The following GYS1 variants were observed in gnomAD, a reference collection of about 807,000 sequenced individuals.
GYS1 encodes the protein glycogen [starch] synthase, muscle.
Under a neutral mutation model 89.1 loss-of-function variants are expected in GYS1, and 60 were observed. The ratio of observed to expected loss-of-function variants is 0.67; its 90% confidence interval spans 0.55 to 0.84. The LOEUF is 0.84. GYS1 is among the 40% of genes least tolerant of loss of function. GYS1 has a pLI of 0.00. For missense variants in GYS1, 888 were observed against 1,003.1 expected (o/e 0.89, Z 1.55); for synonymous variants, 366 against 401.7 (o/e 0.91, Z 1.06).
In GYS1 at chr19:48,993,102, T is replaced by C; in HGVS notation, c.11A>G (p.Asn4Ser). The C allele has an allele frequency of 6.3e-7, 1 of 1,597,928 alleles. No homozygotes were observed. The highest frequency in any genetic ancestry group is 8.6e-7 in the Non-Finnish European group (1 of 1,165,604). The change falls in exon 1 of 16, where the codon AAC becomes AGC. Residue 4 changes from asparagine to serine, a missense_variant. Coordinates refer to ENST00000323798, the MANE Select transcript of GYS1 (RefSeq NM_002103.5). MPL[N>S]RTLSMSSLPG... ...CAGTGAGGACATGGACAAAGTGCGGTTTAAAGGCATGGCTGGCGCAGGAAG... is the reference window on the plus strand; with the variant it reads ...CAGTGAGGACATGGACAAAGTGCGGCTTAAAGGCATGGCTGGCGCAGGAAG...
chr19:48,977,616 A>C (rs908541837), intron 10 of GYS1, among the ~76,000 whole-genome samples: 2 of 152,138 alleles, frequency 1.3e-5, no homozygotes, highest in South Asian at 2.1e-4. Context: ...AAATATAATA[A>C]AAATAAATAA....
At position 48,981,542 on chromosome 19, in the gene GYS1, C is replaced by T. The variant is rs566356663; in HGVS notation, c.1157G>A (p.Arg386His). 11 of 1,606,186 alleles carry T rather than the reference C, an allele frequency of 6.8e-6. No individual in the cohort carries two copies. The highest frequency in any genetic ancestry group is 3.3e-5 in the Admixed American group (2 of 60,010). The change falls in exon 8 of 16, where the codon CGC becomes CAC. Residue 386 changes from arginine to histidine, a missense_variant. Coordinates refer to ENST00000323798, the MANE Select transcript of GYS1 (RefSeq NM_002103.5). ...GAGGGCTGCTAACCAAAGCTGTTTG[C>T]GCACAGCTTGGCCTTTGAGGGTTTC... ...NVETLKGQAVRKQLWDTANTV... is the reference protein window; with the variant it reads ...NVETLKGQAVHKQLWDTANTV...
intron 7 of GYS1, among the ~76,000 whole-genome samples, chr19:48,981,989 C>T (rs2038771092): frequency 6.6e-6 from 1 of 152,074 alleles, no homozygotes; most frequent in African/African-American, 2.4e-5. Flanking sequence ...ACCTCCCGGG[C>T]TCGCGTGATC....
chr19:48,974,885 T>C (rs917220160), intron 10 of GYS1, 152 bp from the exon 11 acceptor site: 25 of 625,532 alleles, frequency 4.0e-5, no homozygotes, highest in Middle Eastern at 3.9e-4. Flanking sequence ...GAGTTGTGGA[T>C]TCCCACTAGT....
At chr19:48,986,777 A>T (rs1042617011) in intron 3 of GYS1, among the ~76,000 whole-genome samples, 1 of 152,234 alleles carries the variant, frequency 6.6e-6, no homozygotes, top group African/African-American at 2.4e-5. Context: ...GATTACAGGC[A>T]TGAGCCACCG....
Position 48,969,266 on chromosome 19 carries a change from C to G in GYS1, c.*22G>C, listed in dbSNP as rs369405685. 5.2e-6 allele frequency: 8 copies of G among 1,525,680 alleles called. No homozygotes were observed. Among genetic ancestry groups the G allele is most frequent in the Non-Finnish European group, 6.1e-6 (7 of 1,140,602 alleles). 94.5% of individuals were successfully genotyped at this position (1,525,680 alleles called of 1,614,324 possible). ...CTCTGGAGCAGAGAGGCAGGACAGG[C>G]GGGGAGTGTGGTGGGGCGGACTTAG... On this transcript the variant is annotated 3_prime_UTR_variant, in exon 16 of 16. Coordinates refer to ENST00000323798, the MANE Select transcript of GYS1 (RefSeq NM_002103.5).
In GYS1 at chr19:48,993,220, A is replaced by G. The variant is rs1247603354; in HGVS notation, c.-108T>C. 2 of 770,220 alleles carry G rather than the reference A, an allele frequency of 2.6e-6. No homozygotes were observed. Among genetic ancestry groups the G allele is most frequent in the East Asian group, 4.9e-5 (2 of 40,900 alleles). The allele number at this position is 770,220 out of a possible 1,614,324, so 47.7% of individuals were successfully genotyped here. ...GGCCGAGTAGCTGGTGCCCGACGGG[A>G]AGCTTGCAAGACGCTCGGCTTCCTA... On this transcript the variant is annotated 5_prime_UTR_variant, in exon 1 of 16. Coordinates refer to ENST00000323798, the MANE Select transcript of GYS1 (RefSeq NM_002103.5).
intron 2 of GYS1, 81 bp from the exon 3 acceptor site, chr19:48,987,466 T>TGCAG: frequency 9.3e-7 from 1 of 1,071,034 alleles, no homozygotes; most frequent in Non-Finnish European, 1.3e-6. Context: ...TTCTCCCATT[T>TGCAG]GCAGGCAGAT....
At chr19:48,992,157 C>T (rs929449864) in intron 1 of GYS1, among the ~76,000 whole-genome samples, 1 of 152,112 alleles carries the variant, frequency 6.6e-6, no homozygotes, top group Non-Finnish European at 1.5e-5. Context: ...TGGGTGTTCA[C>T]GGGCCCCCTC....
At position 48,972,014 on chromosome 19, in the gene GYS1, A is replaced by G. The variant is rs547999891; in HGVS notation, c.1550-991T>C. Among the ~76,000 whole-genome samples the G allele has an allele frequency of 1.3e-4, 19 of 148,206 alleles. No homozygotes were observed. In the South Asian group the frequency reaches 4.1e-3, roughly 32 times the overall value. On this transcript the variant is annotated intron_variant, in intron 12 of 15. Transcript: ENST00000323798. Reference sequence around the variant, plus strand: ...GAGGCTGGGACTACGAGCACACAACACTACGCATGGCTAATTAAAAATAAA... The same window carrying G: ...GAGGCTGGGACTACGAGCACACAACGCTACGCATGGCTAATTAAAAATAAA...
At chr19:48,980,426 G>A (rs1412498574) in intron 8 of GYS1, among the ~76,000 whole-genome samples, 2 of 152,126 alleles carry the variant, frequency 1.3e-5, no homozygotes, top group Non-Finnish European at 2.9e-5. Flanking sequence ...ACATGAGGAG[G>A]GCAGGTCACT....
chr19:48,991,054 C>T lies in GYS1; in HGVS notation c.300+248G>A, dbSNP rs1254658185. Among the ~76,000 whole-genome samples the T allele has an allele frequency of 1.3e-5, 2 of 152,218 alleles. No homozygotes were observed. Among genetic ancestry groups the T allele is most frequent in the Non-Finnish European group, 2.9e-5 (2 of 68,036 alleles). On this transcript the variant is annotated intron_variant, in intron 2 of 15. Transcript: ENST00000323798. This position sits in a 1 kb window ranked among gnomAD's most constrained non-coding sequence, Gnocchi z 4.7. ...TTCTCTCTGGGTCTGAGGACCTTGG[C>T]CTCTTGGATCTCCGTCTCAGTCTGT...
intron 8 of GYS1, among the ~76,000 whole-genome samples, chr19:48,978,595 G>C: frequency 6.7e-6 from 1 of 149,546 alleles, no homozygotes; most frequent in East Asian, 2.0e-4. Context: ...GCAGTGGTGC[G>C]ATCTTGGCTC....
At chr19:48,984,094 G>A (rs542796745) in intron 5 of GYS1, among the ~76,000 whole-genome samples, 14 of 152,298 alleles carry the variant, frequency 9.2e-5, no homozygotes, top group Admixed American at 8.5e-4. Context: ...TGCCTCCTGG[G>A]TTCAAGAGAT....
At chr19:48,970,483 C>T (rs1401299981) in intron 14 of GYS1, 63 bp downstream of exon 14, 1 of 1,430,740 alleles carries the variant, frequency 7.0e-7, no homozygotes, top group African/African-American at 1.4e-5. Flanking sequence ...GCACCCTGCA[C>T]CAAAGACCCC....
chr19:48,974,539 A>G, intron 11 of GYS1, 81 bp downstream of exon 11: 1 of 1,070,094 alleles, frequency 9.3e-7, no homozygotes, highest in Non-Finnish European at 1.4e-6. Context: ...TAAAACTTAT[A>G]GGGGAATGGA....
At chr19:48,984,394 C>CT (rs60151981) in intron 5 of GYS1, among the ~76,000 whole-genome samples, 97,358 of 147,196 alleles carry the variant, frequency 0.66, 33,541 homozygotes, top group African/African-American at 0.89. Flanking sequence ...ATATTCAACA[C>CT]TTTTTTTTTT....
intron 14 of GYS1, 106 bp downstream of exon 14, chr19:48,970,440 G>A (rs754825881): frequency 3.3e-5 from 31 of 953,554 alleles, no homozygotes; most frequent in East Asian, 1.2e-4. Flanking sequence ...TTGCTTAAAG[G>A]GACAGCAACT....
At chr19:48,970,419 G>C (rs748854005) in intron 14 of GYS1, 127 bp downstream of exon 14, 1 of 798,530 alleles carries the variant, frequency 1.3e-6, no homozygotes. Context: ...CATCGCGATC[G>C]GCCTGGTTCA....
Sources: allele counts gnomAD v4.1 joint callset (sites outside exome capture counted in the v4.1 genomes callset), GRCh38; gene constraint gnomAD v4.1.1; non-coding constraint Gnocchi (gnomAD v3.1); transcripts MANE v1.5; gene names NCBI Gene and HGNC (gene_info 2026-07-23, HGNC 2026-07-21).